ANGPT1: variants seen among roughly 807,000 people sequenced by gnomAD.
ANGPT1 encodes the protein angiopoietin-1.
Under a neutral mutation model 62.2 loss-of-function variants are expected in ANGPT1, and 17 were observed. The ratio of observed to expected loss-of-function variants is 0.27; its 90% CI spans 0.19 to 0.41. The LOEUF is 0.41. Among genes scored for constraint, ANGPT1 ranks in the 10% least tolerant of loss-of-function variants. The pLI is 1.00. For missense variants in ANGPT1, 478 were observed against 594.9 expected (o/e 0.80, Z 2.04); for synonymous variants, 199 against 198.9 (o/e 1.00, Z 0.00).
At chr8:107,392,529 T>A (rs2130306629) in intron 1 of ANGPT1, among the ~76,000 whole-genome samples, 1 of 152,312 alleles carries the variant, frequency 6.6e-6, no homozygotes, top group East Asian at 1.9e-4. Flanking sequence ...ATTTTTCTCA[T>A]CAGTTTGCAG....
rs1563613718 is a variant in ANGPT1 at position 107,417,902 on chromosome 8, G to A, written c.298-70805C>T. 2.0e-5 allele frequency among the ~76,000 whole-genome samples: 3 copies of A among 152,164 alleles called. No homozygotes were observed. The South Asian group carries it at 6.2e-4, about 32-fold the overall frequency. ...GTCTACAGTGTGAAATGAGGGCCTC[G>A]GGGGACAGGGTTTCCCTCATAGTCT... On this transcript the variant is annotated intron_variant, in intron 1 of 8. Coordinates refer to ENST00000517746, the MANE Select transcript of ANGPT1 (RefSeq NM_001146.5).
chr8:107,294,456 T>G (rs1259213852), intron 5 of ANGPT1: 1 of 153,610 alleles, frequency 6.5e-6, no homozygotes, highest in Non-Finnish European at 1.4e-5. Flanking sequence ...TTGATTGAAA[T>G]GGGAGTACAA....
intron 1 of ANGPT1, among the ~76,000 whole-genome samples, chr8:107,454,115 T>C (rs1029725107): frequency 1.3e-5 from 2 of 152,076 alleles, no homozygotes; most frequent in Non-Finnish European, 2.9e-5. Flanking sequence ...CCTATTTTCA[T>C]GTTCCTTCTG....
intron 2 of ANGPT1, among the ~76,000 whole-genome samples, chr8:107,345,778 T>C (rs528695253): frequency 6.6e-6 from 1 of 152,248 alleles, no homozygotes; most frequent in Non-Finnish European, 1.5e-5. Flanking sequence ...AATATGTAGT[T>C]CCGTCCATCT....
At chr8:107,393,481 A>T (rs1404503843) in intron 1 of ANGPT1, among the ~76,000 whole-genome samples, 8 of 152,216 alleles carry the variant, frequency 5.3e-5, no homozygotes, top group Non-Finnish European at 7.3e-5. Context: ...AAAAAATTTT[A>T]AAAGTGAATG....
At chr8:107,435,293 T>C (rs960043529) in intron 1 of ANGPT1, among the ~76,000 whole-genome samples, 2 of 152,206 alleles carry the variant, frequency 1.3e-5, no homozygotes, top group Non-Finnish European at 2.9e-5. Context: ...ACATTATTAG[T>C]GTGCATGTGT....
intron 1 of ANGPT1, among the ~76,000 whole-genome samples, chr8:107,415,601 C>T (rs1324742763): frequency 6.6e-6 from 1 of 152,134 alleles, no homozygotes; most frequent in African/African-American, 2.4e-5. Context: ...TCTGAAAATA[C>T]CCATGCTTTG....
chr8:107,481,980 T>C (rs1019210202), intron 1 of ANGPT1, among the ~76,000 whole-genome samples: 1 of 152,154 alleles, frequency 6.6e-6, no homozygotes, highest in African/African-American at 2.4e-5. Flanking sequence ...CAGGTACTTA[T>C]TTCCCTTCAG....
chr8:107,487,967 G>A (rs1056905061), intron 1 of ANGPT1, among the ~76,000 whole-genome samples: 1 of 151,998 alleles, frequency 6.6e-6, no homozygotes, highest in Non-Finnish European at 1.5e-5. Context: ...TACAATATGA[G>A]GCAATCATCA....
intron 1 of ANGPT1, among the ~76,000 whole-genome samples, chr8:107,440,459 T>C (rs141746097): frequency 2.7e-4 from 41 of 152,238 alleles, no homozygotes; most frequent in African/African-American, 9.1e-4. Context: ...GCAAATAGGT[T>C]TCCATTTTTT....
At chr8:107,266,800 C>A (rs1448502230) in intron 7 of ANGPT1, among the ~76,000 whole-genome samples, 1 of 152,140 alleles carries the variant, frequency 6.6e-6, no homozygotes, top group Non-Finnish European at 1.5e-5. Context: ...AAATAAGAGA[C>A]TGCTATGTGC....
intron 5 of ANGPT1, chr8:107,295,109 G>A (rs10505105): frequency 0.14 from 21,925 of 152,168 alleles, 1,963 homozygotes; most frequent in Non-Finnish European, 0.19. Flanking sequence ...GGCAAGAAAT[G>A]TCATTCAAAG....
intron 8 of ANGPT1, among the ~76,000 whole-genome samples, chr8:107,252,499 A>G (rs1034637267): frequency 5.3e-5 from 8 of 152,218 alleles, no homozygotes; most frequent in African/African-American, 1.9e-4. Flanking sequence ...CATCTACTGC[A>G]TATGTTTGTC....
chr8:107,343,534 G>A (rs1815740278), intron 2 of ANGPT1, among the ~76,000 whole-genome samples: 1 of 152,122 alleles, frequency 6.6e-6, no homozygotes, highest in Non-Finnish European at 1.5e-5. Flanking sequence ...ACACAGCAAT[G>A]GATTTCAGAG....
intron 1 of ANGPT1, among the ~76,000 whole-genome samples, chr8:107,365,856 AACACACACACACACAC>A (rs10627552): frequency 0.014 from 2,106 of 147,188 alleles, 55 homozygotes; most frequent in African/African-American, 0.049. Flanking sequence ...AAACAAATAC[AACACACACACACACAC>A]ACACACACAC....
At chr8:107,328,563 A>G (rs1388063503) in intron 3 of ANGPT1, among the ~76,000 whole-genome samples, 1 of 152,036 alleles carries the variant, frequency 6.6e-6, no homozygotes, top group Admixed American at 6.6e-5. Context: ...ATTTTGTAAC[A>G]TATATTACAA....
At chr8:107,289,749 G>C (rs993535168) in intron 6 of ANGPT1, among the ~76,000 whole-genome samples, 1 of 152,128 alleles carries the variant, frequency 6.6e-6, no homozygotes, top group Admixed American at 6.6e-5. Flanking sequence ...TGAGTGGATA[G>C]GAAGCTCTGT....
At chr8:107,264,440 C>A in intron 7 of ANGPT1, 89 bp from the exon 8 acceptor site, 1 of 1,476,966 alleles carries the variant, frequency 6.8e-7, no homozygotes. Flanking sequence ...TTGCCTTTTT[C>A]ATCATTTTCT....
In ANGPT1 at chr8:107,321,876, A is replaced by C; in HGVS notation, c.808+20T>G. Reference sequence around the variant, plus strand: ...GGAAATAAAATATTAACAATACCAAAGTGAGGAAGACATTCTTACCACCTT... The same window carrying C: ...GGAAATAAAATATTAACAATACCAACGTGAGGAAGACATTCTTACCACCTT... On this transcript the variant is annotated intron_variant, in intron 4 of 8. Transcript: ENST00000517746. The C allele has an allele frequency of 6.3e-7, 1 of 1,599,962 alleles. No individual in the cohort carries two copies. Among genetic ancestry groups the C allele is most frequent in the East Asian group, 2.2e-5 (1 of 44,772 alleles).
Sources: allele counts gnomAD v4.1 joint callset (sites outside exome capture counted in the v4.1 genomes callset), GRCh38; gene constraint gnomAD v4.1.1; transcripts MANE v1.5; gene names NCBI Gene and HGNC (gene_info 2026-07-23, HGNC 2026-07-21).